ITGB2: variants seen among roughly 807,000 people sequenced by gnomAD.
ITGB2 encodes integrin subunit beta 2, also known as integrin beta-2.
A neutral mutation model predicts 86.8 loss-of-function variants in ITGB2; 56 were observed. The ratio of observed to expected loss-of-function variants is 0.65; its 90% CI spans 0.52 to 0.81. ITGB2 has a LOEUF of 0.81. ITGB2 is among the 30% of genes least tolerant of loss of function. The pLI, the probability that ITGB2 is intolerant of heterozygous loss-of-function variation, is 0.00. For synonymous variants in ITGB2, 457 were observed against 450.4 expected, an observed-to-expected ratio of 1.01 and a Z score of -0.19; for missense variants, 948 against 1,061.2, an observed-to-expected ratio of 0.89 and a Z score of 1.48.
upstream of ITGB2, among the ~76,000 whole-genome samples, chr21:44,921,658 T>C (rs1197702270): frequency 6.6e-6 from 1 of 152,090 alleles, no homozygotes; most frequent in African/African-American, 2.4e-5. Flanking sequence ...ATCAGACATC[T>C]TCAGAGCAAG....
upstream of ITGB2, among the ~76,000 whole-genome samples, chr21:44,922,114 A>C (rs1218910506): frequency 1.3e-5 from 2 of 152,350 alleles, no homozygotes; most frequent in Non-Finnish European, 1.5e-5. Flanking sequence ...TTGGGCAAAG[A>C]AATAAGTAAA....
rs2083702208 is a variant in ITGB2 at position 44,886,628 on chromosome 21, G to T, written c.2247+108C>A. The T allele has an allele frequency of 1.2e-5, 19 of 1,530,554 alleles. No individual in the cohort carries two copies. The South Asian group carries it at 2.1e-4, about 17-fold the overall frequency. The allele number at this position is 1,530,554 out of a possible 1,614,324, so 94.8% of individuals were successfully genotyped here. A position where few individuals can be genotyped will look rare whatever the true frequency, so the allele number is the denominator to read the frequency against. On this transcript the variant is annotated intron_variant, in intron 15 of 15. Coordinates refer to ENST00000652462, the MANE Select transcript of ITGB2 (RefSeq NM_000211.5). ...CCCAGAGGACAAGCTGCCTGGGGAG[G>T]CCGGGGTGCAGCCACACACGGGTGT...
At position 44,899,147 on chromosome 21, in the gene ITGB2, C is replaced by G. The variant is rs1240794468; in HGVS notation, c.913G>C (p.Gly305Arg). The G allele has an allele frequency of 6.2e-7, 1 of 1,613,714 alleles. No individual in the cohort carries two copies. The change falls in exon 8 of 16, where the codon GGC becomes CGC. Residue 305 changes from glycine (G) to arginine (R), a missense_variant. Transcript: ENST00000652462. ...RSNEFDYPSVGQLAHKLAENN... is the reference protein window; with the variant it reads ...RSNEFDYPSVRQLAHKLAENN... ...TCAGCCAGCTTGTGCGCCAGCTGGC[C>G]CACCGATGGGTAGTCCTGGAGAGAG...
intron 3 of ITGB2, chr21:44,908,009 C>T: frequency 1.4e-6 from 1 of 715,718 alleles, no homozygotes; most frequent in Non-Finnish European, 2.6e-6. Context: ...GTGTTTATTT[C>T]AGAGGAGCTG....
chr21:44,915,965 C>T (rs1367500981), intron 1 of ITGB2, among the ~76,000 whole-genome samples: 1 of 152,164 alleles, frequency 6.6e-6, no homozygotes, highest in Non-Finnish European at 1.5e-5. Flanking sequence ...CTCTGTCATC[C>T]AGGCTGGAGT....
rs558419301 is a variant in ITGB2 at position 44,902,411 on chromosome 21, G to T, written c.500-678C>A. Among the ~76,000 whole-genome samples, 58 of 152,044 alleles carry T rather than the reference G, an allele frequency of 3.8e-4. 1 individual carries two copies. In the South Asian group the frequency reaches 0.011, roughly 28 times the overall value. ...TGTGAGCGTGCATTTGTGCATGTGA[G>T]CATACATTCGCGTGTGTGAGCATGC... On this transcript the variant is annotated intron_variant, in intron 5 of 15. Transcript: ENST00000652462.
At chr21:44,925,351 G>A (rs1423350886), upstream of ITGB2, among the ~76,000 whole-genome samples, 1 of 148,996 alleles carries the variant, frequency 6.7e-6, no homozygotes, top group Middle Eastern at 3.2e-3. Context: ...TCACACCACT[G>A]CACTCCAGCC....
At chr21:44,902,500 T>C (rs2083976769) in intron 5 of ITGB2, among the ~76,000 whole-genome samples, 3 of 151,512 alleles carry the variant, frequency 2.0e-5, no homozygotes, top group African/African-American at 7.3e-5. Flanking sequence ...TGCATTTGTG[T>C]GTTTGAGCAT....
At chr21:44,903,246 A>G (rs1339394844) in intron 5 of ITGB2, 119 bp downstream of exon 5, 2 of 1,280,216 alleles carry the variant, frequency 1.6e-6, no homozygotes, top group Non-Finnish European at 2.3e-6. Context: ...GGGGACCTGC[A>G]TCTGGGGCCC....
At position 44,888,816 on chromosome 21, in the gene ITGB2, A is replaced by G. The variant is rs765398835; in HGVS notation, c.1957T>C (p.Ser653Pro). The G allele has an allele frequency of 6.2e-7, 1 of 1,611,560 alleles. No individual in the cohort carries two copies. Among genetic ancestry groups the G allele is most frequent in the South Asian group, 1.1e-5 (1 of 91,086 alleles). Residue 653 changes from serine to proline, a missense_variant, in exon 14 of 16, where the codon TCG becomes CCG. By Grantham distance (74) the Ser-to-Pro change is moderately conservative (BLOSUM62 -1). Transcript: ENST00000652462. ...GTCCTGCCCTTCACGGGGTTGTTCG[A>G]CAGCTGCAGGCCCGGACACGCCGCG... is the stretch of plus-strand genomic sequence containing the variant. ...CSAACPGLQL[S>P]NNPVKGRTCK...
At chr21:44,890,603 C>T (rs2083772722) in intron 11 of ITGB2, among the ~76,000 whole-genome samples, 1 of 152,208 alleles carries the variant, frequency 6.6e-6, no homozygotes. Context: ...GCACTGCCTC[C>T]TGCCACAGCC....
chr21:44,918,184 C>T (rs927203134), intron 1 of ITGB2, among the ~76,000 whole-genome samples: 19 of 152,270 alleles, frequency 1.2e-4, no homozygotes, highest in African/African-American at 4.6e-4. Context: ...ATGCCTGTGT[C>T]ACTGACCCCT....
chr21:44,910,568 G>T, intron 2 of ITGB2, 157 bp downstream of exon 2: 1 of 1,379,618 alleles, frequency 7.2e-7, no homozygotes, highest in Non-Finnish European at 1.0e-6. Flanking sequence ...CTCCTGGCAC[G>T]TGCGGAGACG....
In ITGB2 at chr21:44,910,384, G is replaced by C; in HGVS notation, c.59-12C>G. 3 of 1,614,140 alleles carry C rather than the reference G, an allele frequency of 1.9e-6. No individual in the cohort carries two copies. Among genetic ancestry groups the C allele is most frequent in the Non-Finnish European group, 2.5e-6 (3 of 1,180,004 alleles). On this transcript the variant is annotated splice_polypyrimidine_tract_variant and intron_variant, in intron 2 of 15. Coordinates refer to ENST00000652462, the MANE Select transcript of ITGB2 (RefSeq NM_000211.5). The stretch of plus-strand genomic sequence containing the variant: ...CTCCTGAGAGAGGACTGAGGGACGA[G>C]GCCGGCTGGTGAGTGGGTGCTCTGG...
In ITGB2 at chr21:44,885,982, A is replaced by T. The variant is rs1471650688; in HGVS notation, c.*386T>A. 2 of 302,378 alleles carry T rather than the reference A, an allele frequency of 6.6e-6. No individual in the cohort carries two copies. Among genetic ancestry groups the T allele is most frequent in the African/African-American group, 2.2e-5 (1 of 45,890 alleles). The allele number at this position is 302,378 out of a possible 1,614,324, so 18.7% of individuals were successfully genotyped here. ...CATGGACAGCCTGTATTGAAGTTTTATTTTTTTTCTATACACGTGATTGAT... is the reference window on the plus strand; with the variant it reads ...CATGGACAGCCTGTATTGAAGTTTTTTTTTTTTTCTATACACGTGATTGAT... On this transcript the variant is annotated 3_prime_UTR_variant, in exon 16 of 16. Transcript: ENST00000652462.
In ITGB2 at chr21:44,893,423, C is replaced by T. The variant is rs2146508200; in HGVS notation, c.1205G>A (p.Gly402Asp). 6.2e-7 allele frequency: 1 copy of T among 1,614,108 alleles called. No individual in the cohort carries two copies. Among genetic ancestry groups the T allele is most frequent in the Non-Finnish European group, 8.5e-7 (1 of 1,180,000 alleles). ...HRNQPRGDCD[G>D]VQINVPITFQ... ...GCTCACCGGGACATTGATCTGCACG[C>T]CATCACAGTCACCTCTGGGCTGGTT... The change falls in exon 10 of 16, where the codon GGC becomes GAC. Residue 402 changes from glycine to aspartate, a missense_variant. Physicochemically the swap from Gly to Asp is moderately conservative, Grantham distance 94. Transcript: ENST00000652462.
chr21:44,898,570 A>G (rs953962868), intron 8 of ITGB2, among the ~76,000 whole-genome samples: 1 of 152,248 alleles, frequency 6.6e-6, no homozygotes, highest in African/African-American at 2.4e-5. Context: ...TGGCACTAGC[A>G]GCGGAAATGC....
In ITGB2 at chr21:44,890,010, T is replaced by C. The variant is rs749744549; in HGVS notation, c.1625A>G (p.Glu542Gly). Residue 542 changes from glutamate (E) to glycine (G), a missense_variant, in exon 12 of 16, where the codon GAG (glutamate) becomes GGG (glycine). By Grantham distance (98) the Glu-to-Gly change is moderately conservative (BLOSUM62 -2). Transcript: ENST00000652462. Reference protein sequence around the residue: ...QYCECDTINCERYNGQVCGGP... With the variant: ...QYCECDTINCGRYNGQVCGGP... ...GCCGCAGACCTGGCCGTTGTAGCGC[T>C]CACAGTTGATGGTGTCACACTCGCA... 6.2e-7 allele frequency: 1 copy of C among 1,613,244 alleles called. No homozygotes were observed. Among genetic ancestry groups the C allele is most frequent in the Non-Finnish European group, 8.5e-7 (1 of 1,180,024 alleles).
At chr21:44,900,214 C>T in intron 7 of ITGB2, 106 bp downstream of exon 7, 1 of 1,450,992 alleles carries the variant, frequency 6.9e-7, no homozygotes. Flanking sequence ...CAGGAATCTG[C>T]TCCTTGGGTC....
Sources: gnomAD v4.1 joint callset for allele counts (sites outside exome capture counted in the v4.1 genomes callset) on GRCh38, gnomAD v4.1.1 for gene constraint, MANE v1.5 for transcripts, NCBI Gene and HGNC (gene_info 2026-07-23, HGNC 2026-07-21) for gene names.